Variants in AHCYL2 observed in about 807,000 individuals in gnomAD.
AHCYL2 encodes the protein adenosylhomocysteinase like 2, also known as S-adenosylhomocysteine hydrolase-like protein 2.
Under a neutral mutation model 81.4 loss-of-function variants are expected in AHCYL2, and 28 were observed. The ratio of observed to expected loss-of-function variants is 0.34; its 90% CI spans 0.25 to 0.47. The LOEUF (loss-of-function observed/expected upper bound fraction) is 0.47. AHCYL2 is among the 20% of genes least tolerant of loss of function. AHCYL2 has a pLI of 1.00. For missense variants in AHCYL2, 551 were observed against 785.1 expected, an observed-to-expected ratio of 0.70 and a Z score of 3.56; for synonymous variants, 272 against 290.2, an observed-to-expected ratio of 0.94 and a Z score of 0.64.
intron 1 of AHCYL2, among the ~76,000 whole-genome samples, chr7:129,341,338 C>T (rs1746043193): frequency 6.6e-6 from 1 of 152,178 alleles, no homozygotes; most frequent in South Asian, 2.1e-4. Context: ...TGTGTTGACT[C>T]TCAGTGCCAT....
At chr7:129,271,359 CAAAA>C (rs3042852) in intron 1 of AHCYL2, among the ~76,000 whole-genome samples, 8 of 86,778 alleles carry the variant, frequency 9.2e-5, no homozygotes, top group Admixed American at 3.9e-4. Flanking sequence ...AGACTGTCTC[CAAAA>C]AAAAAAAAAA....
intron 1 of AHCYL2, chr7:129,351,768 C>T (rs1031101540): frequency 6.6e-6 from 1 of 152,170 alleles, no homozygotes; most frequent in Non-Finnish European, 1.5e-5. Flanking sequence ...AAATGTGGTC[C>T]ATGGACTCCC....
At position 129,339,638 on chromosome 7, in the gene AHCYL2, C is replaced by T. The variant is rs151166173; in HGVS notation, c.364-40000C>T. ...CCTCAAACTACTGGGCTCAAGCAAT[C>T]CTCCCACTTCAGCCTCTCTGGTAGC... On this transcript the variant is annotated intron_variant, in intron 1 of 16. Coordinates refer to ENST00000325006, the MANE Select transcript of AHCYL2 (RefSeq NM_015328.4). 6.3e-3 allele frequency among the ~76,000 whole-genome samples: 958 copies of T among 152,052 alleles called. 29 individuals carry two copies. Among genetic ancestry groups the T allele is most frequent in the Admixed American group, 0.054 (830 of 15,276 alleles).
At position 129,265,052 on chromosome 7, in the gene AHCYL2, C is replaced by T. The variant is rs535806220; in HGVS notation, c.363+39613C>T. On this transcript the variant is annotated intron_variant, in intron 1 of 16. Transcript: ENST00000325006. ...TTTATTAAATCTGGTCAATTGTAAT[C>T]CAGAATGTATGTACTGTGTTTTATT... Among the ~76,000 whole-genome samples, 14 of 152,148 alleles carry T rather than the reference C, an allele frequency of 9.2e-5. No homozygotes were observed. The South Asian group carries it at 2.9e-3, about 32-fold the overall frequency.
chr7:129,346,989 A>G (rs1793383273), intron 1 of AHCYL2, among the ~76,000 whole-genome samples: 1 of 152,198 alleles, frequency 6.6e-6, no homozygotes, highest in African/African-American at 2.4e-5. Flanking sequence ...GTGAAAACAT[A>G]TGATAGAAGC....
chr7:129,242,959 C>T (rs1794915701), intron 1 of AHCYL2, among the ~76,000 whole-genome samples: 1 of 151,088 alleles, frequency 6.6e-6, no homozygotes, highest in Non-Finnish European at 1.5e-5. Context: ...TTTTTCATAT[C>T]CTTTCCCATT....
intron 1 of AHCYL2, among the ~76,000 whole-genome samples, chr7:129,231,829 G>A (rs1253038183): frequency 6.6e-6 from 1 of 152,128 alleles, no homozygotes; most frequent in Non-Finnish European, 1.5e-5. Flanking sequence ...TAAATTAGAT[G>A]ATTATTTGTA....
intron 1 of AHCYL2, among the ~76,000 whole-genome samples, chr7:129,305,078 T>C (rs564364416): frequency 6.6e-6 from 1 of 152,346 alleles, no homozygotes; most frequent in African/African-American, 2.4e-5. Flanking sequence ...GTGGTTACCA[T>C]GAAGTTTGCA....
At chr7:129,300,422 C>T (rs1486424777) in intron 1 of AHCYL2, among the ~76,000 whole-genome samples, 1 of 152,160 alleles carries the variant, frequency 6.6e-6, no homozygotes, top group Non-Finnish European at 1.5e-5. Context: ...TGGCTTATTT[C>T]ACTTAACATA....
intron 1 of AHCYL2, among the ~76,000 whole-genome samples, chr7:129,326,766 G>A (rs929460049): frequency 6.6e-6 from 1 of 152,140 alleles, no homozygotes; most frequent in Admixed American, 6.5e-5. Flanking sequence ...TACAAGGGAT[G>A]TTAGAAGAAT....
rs549773609 is a variant in AHCYL2, at chr7:129,247,052, A to C, written c.363+21613A>C. On this transcript the variant is annotated intron_variant, in intron 1 of 16. Coordinates refer to ENST00000325006, the MANE Select transcript of AHCYL2 (RefSeq NM_015328.4). ...AATTATGGTAAATCTTTTGGCAGACATATATTTTCATTTCTCTTGGGTGGA... is the reference window on the plus strand; with the variant it reads ...AATTATGGTAAATCTTTTGGCAGACCTATATTTTCATTTCTCTTGGGTGGA... Among the ~76,000 whole-genome samples the C allele has an allele frequency of 8.5e-5, 13 of 152,280 alleles. No homozygotes were observed. The East Asian group carries it at 2.5e-3, about 29-fold the overall frequency.
intron 8 of AHCYL2, 124 bp from the exon 9 acceptor site, chr7:129,405,712 A>G: frequency 1.2e-6 from 1 of 843,158 alleles, no homozygotes; most frequent in Non-Finnish European, 1.8e-6. Flanking sequence ...AAAATAAAGA[A>G]ACCAGACTTT....
At chr7:129,326,933 C>CT (rs1183390316) in intron 1 of AHCYL2, among the ~76,000 whole-genome samples, 4 of 152,168 alleles carry the variant, frequency 2.6e-5, no homozygotes, top group Non-Finnish European at 5.9e-5. Context: ...CATTGAAAGG[C>CT]TGTAAGCTGG....
rs116440275 is a variant in AHCYL2, at chr7:129,364,896, T to C, written c.364-14742T>C. On this transcript the variant is annotated intron_variant, in intron 1 of 16. Coordinates refer to ENST00000325006, the MANE Select transcript of AHCYL2 (RefSeq NM_015328.4). The stretch of plus-strand genomic sequence containing the variant: ...TAAGTCATATAGGTGTAGTCAGTAA[T>C]ATAACTAAGCCTCATAAATATAAAA... Among the ~76,000 whole-genome samples the C allele has an allele frequency of 7.6e-3, 1,150 of 152,314 alleles. 13 individuals are homozygous for C. Among genetic ancestry groups the C allele is most frequent in the African/African-American group, 0.026 (1,073 of 41,546 alleles).
At chr7:129,363,752 G>A (rs1255324680) in intron 1 of AHCYL2, among the ~76,000 whole-genome samples, 1 of 151,938 alleles carries the variant, frequency 6.6e-6, no homozygotes, top group African/African-American at 2.4e-5. Flanking sequence ...TGGCCAGGCT[G>A]GTATCAAACT....
At chr7:129,388,801 G>A (rs553287213) in intron 2 of AHCYL2, 5 of 360,784 alleles carry the variant, frequency 1.4e-5, no homozygotes, top group South Asian at 5.2e-5. Context: ...TTCTTTTTGC[G>A]TATTCAAGGA....
Position 129,368,619 on chromosome 7 carries a change from G to A in AHCYL2, c.364-11019G>A. 1.3e-6 allele frequency: 2 copies of A among 1,578,520 alleles called. No homozygotes were observed. Among genetic ancestry groups the A allele is most frequent in the Non-Finnish European group, 1.7e-6 (2 of 1,147,778 alleles). ...AATGAGAGGCAACCATTTCTGACGG[G>A]TGACAAGGATCACCTCTGAGAAGCT... On this transcript the variant is annotated intron_variant, in intron 1 of 16. Transcript: ENST00000325006. This position sits in a 1 kb window ranked among gnomAD's most constrained non-coding sequence, Gnocchi z 4.4.
At chr7:129,320,634 T>G (rs1797981374) in intron 1 of AHCYL2, among the ~76,000 whole-genome samples, 1 of 152,102 alleles carries the variant, frequency 6.6e-6, no homozygotes, top group Admixed American at 6.6e-5. Flanking sequence ...TTAAAAAAAT[T>G]GAGATATAAA....
chr7:129,285,728 C>G (rs571875626), intron 1 of AHCYL2, among the ~76,000 whole-genome samples: 1 of 124,114 alleles, frequency 8.1e-6, no homozygotes, highest in South Asian at 2.5e-4. Context: ...GAGATAGGGT[C>G]TGGCTCTGTC....
Sources: allele counts gnomAD v4.1 joint callset (sites outside exome capture counted in the v4.1 genomes callset), GRCh38; gene constraint gnomAD v4.1.1; non-coding constraint Gnocchi (gnomAD v3.1); transcripts MANE v1.5; gene names NCBI Gene and HGNC (gene_info 2026-07-23, HGNC 2026-07-21).